The following RPH3A variants were observed in gnomAD, a reference collection of about 807,000 sequenced individuals.
RPH3A encodes rabphilin 3A.
RPH3A carries 48 observed loss-of-function variants against 102.2 expected under a neutral mutation model. That is an observed-to-expected ratio of 0.47 (90% CI 0.37 to 0.60). RPH3A has a LOEUF of 0.60. RPH3A is among the 20% of genes least tolerant of loss of function. RPH3A has a pLI of 0.00. For missense variants in RPH3A, 781 were observed against 910.1 expected (o/e 0.86, Z 1.83); for synonymous variants, 310 against 324.3 (o/e 0.96, Z 0.47).
At chr12:112,852,411 A>C (rs557686777) in intron 5 of RPH3A, among the ~76,000 whole-genome samples, 1 of 152,180 alleles carries the variant, frequency 6.6e-6, no homozygotes, top group South Asian at 2.1e-4. Context: ...TCTTTATCCC[A>C]TTATGTAGAA....
chr12:112,888,452 G>T (rs1441036139), intron 17 of RPH3A, among the ~76,000 whole-genome samples: 1 of 152,220 alleles, frequency 6.6e-6, no homozygotes, highest in Non-Finnish European at 1.5e-5. Flanking sequence ...GCACCATGTA[G>T]ATAAACAGCA....
chr12:112,786,211 T>C (rs1164834729), intron 1 of RPH3A, among the ~76,000 whole-genome samples: 2 of 152,090 alleles, frequency 1.3e-5, no homozygotes, highest in East Asian at 3.9e-4. Flanking sequence ...GATTAATAAA[T>C]AAAACTTGTT....
At chr12:112,794,315 A>G (rs532231628) in intron 2 of RPH3A, among the ~76,000 whole-genome samples, 1 of 152,296 alleles carries the variant, frequency 6.6e-6, no homozygotes, top group East Asian at 1.9e-4. Flanking sequence ...ACTATGAGAT[A>G]GGTATGTGTG....
intron 2 of RPH3A, among the ~76,000 whole-genome samples, chr12:112,819,317 AG>A (rs2041736440): frequency 6.6e-6 from 1 of 152,096 alleles, no homozygotes; most frequent in Non-Finnish European, 1.5e-5. Flanking sequence ...CACGTTGGCA[AG>A]GCTGGTCTCG....
intron 2 of RPH3A, among the ~76,000 whole-genome samples, chr12:112,824,409 G>C (rs562492285): frequency 2.6e-4 from 39 of 152,236 alleles, no homozygotes; most frequent in African/African-American, 8.7e-4. Flanking sequence ...AACACTCCTA[G>C]AGGCTGGGAT....
intron 1 of RPH3A, among the ~76,000 whole-genome samples, chr12:112,600,980 C>T (rs752323661): frequency 1.3e-5 from 2 of 152,136 alleles, no homozygotes; most frequent in Non-Finnish European, 2.9e-5. Context: ...GGGGAAATGC[C>T]AGATGCTTAT....
At chr12:112,686,050 G>A (rs1323149353) in intron 1 of RPH3A, among the ~76,000 whole-genome samples, 2 of 152,142 alleles carry the variant, frequency 1.3e-5, no homozygotes, top group African/African-American at 2.4e-5. Flanking sequence ...GACTTCCAAT[G>A]ACTCCCTCGT....
intron 1 of RPH3A, among the ~76,000 whole-genome samples, chr12:112,642,541 A>G (rs924987379): frequency 2.0e-5 from 3 of 152,184 alleles, no homozygotes; most frequent in African/African-American, 7.2e-5. Context: ...GCAATTCTAT[A>G]CAATCAGTAT....
chr12:112,598,625 T>C (rs375658554), intron 1 of RPH3A, among the ~76,000 whole-genome samples: 5 of 151,898 alleles, frequency 3.3e-5, no homozygotes, highest in Admixed American at 2.6e-4. Flanking sequence ...AAGTGAAAAA[T>C]TGCAGCAGGC....
chr12:112,673,518 A>T (rs1019465957), intron 1 of RPH3A, among the ~76,000 whole-genome samples: 3 of 151,020 alleles, frequency 2.0e-5, no homozygotes, highest in African/African-American at 7.3e-5. Context: ...TTTTGTAGAG[A>T]TGGGTTCTTT....
intron 1 of RPH3A, among the ~76,000 whole-genome samples, chr12:112,609,145 C>G (rs1486407004): frequency 6.6e-6 from 1 of 152,132 alleles, no homozygotes; most frequent in Non-Finnish European, 1.5e-5. Context: ...GACAATTGAC[C>G]TAGAAGGTAG....
At chr12:112,594,786 A>C (rs964082381) in intron 1 of RPH3A, among the ~76,000 whole-genome samples, 4 of 152,230 alleles carry the variant, frequency 2.6e-5, no homozygotes, top group Non-Finnish European at 5.9e-5. Flanking sequence ...ATCCTCATGG[A>C]TAATATAATG....
At chr12:112,702,779 C>T (rs569721311) in intron 1 of RPH3A, among the ~76,000 whole-genome samples, 2 of 152,284 alleles carry the variant, frequency 1.3e-5, no homozygotes, top group African/African-American at 4.8e-5. Context: ...AGTGGAGATT[C>T]GGAGTTCTTC....
At position 112,818,192 on chromosome 12, in the gene RPH3A, C is replaced by T. The variant is rs544292450; in HGVS notation, c.-18-10109C>T. Among the ~76,000 whole-genome samples the T allele has an allele frequency of 2.2e-4, 33 of 150,982 alleles. No individual in the cohort carries two copies. In the Middle Eastern group the frequency reaches 0.01, roughly 47 times the overall value. ...GTGAGCGCCTGTAGTCCCAGCTACT[C>T]GGGGGGCTGAGGCAGGAGAATGGCG... On this transcript the variant is annotated intron_variant, in intron 2 of 21. Transcript: ENST00000389385.
intron 1 of RPH3A, among the ~76,000 whole-genome samples, chr12:112,745,285 A>G (rs1455572913): frequency 1.3e-5 from 2 of 152,210 alleles, no homozygotes; most frequent in Non-Finnish European, 2.9e-5. Context: ...TTCCTGGTGA[A>G]GTTGATCACT....
intron 5 of RPH3A, among the ~76,000 whole-genome samples, chr12:112,856,572 A>G (rs1427393729): frequency 6.6e-6 from 1 of 151,828 alleles, no homozygotes; most frequent in African/African-American, 2.4e-5. Context: ...ATATGTGTGG[A>G]TGCATGTGTC....
intron 1 of RPH3A, among the ~76,000 whole-genome samples, chr12:112,766,699 C>T (rs2040891741): frequency 6.6e-6 from 1 of 152,182 alleles, no homozygotes; most frequent in Non-Finnish European, 1.5e-5. Context: ...TTTAAGGGAA[C>T]TCCCAGACAT....
chr12:112,781,218 C>CA (rs967338621), intron 1 of RPH3A, among the ~76,000 whole-genome samples: 39 of 150,380 alleles, frequency 2.6e-4, no homozygotes, highest in Middle Eastern at 3.4e-3. Context: ...AACAACAAAA[C>CA]AAAAAAAAAT....
intron 1 of RPH3A, among the ~76,000 whole-genome samples, chr12:112,713,292 T>G (rs2040493463): frequency 6.6e-6 from 1 of 151,954 alleles, no homozygotes; most frequent in South Asian, 2.1e-4. Context: ...CACATTTCTT[T>G]ATTTAAATAA....
Sources: gnomAD v4.1 joint callset for allele counts (sites outside exome capture counted in the v4.1 genomes callset) on GRCh38, gnomAD v4.1.1 for gene constraint, MANE v1.5 for transcripts, NCBI Gene and HGNC (gene_info 2026-07-23, HGNC 2026-07-21) for gene names.